The following PTPN14 variants were observed in gnomAD, a reference collection of about 807,000 sequenced individuals.
PTPN14 encodes the protein protein tyrosine phosphatase non-receptor type 14.
A neutral mutation model predicts 126.8 loss-of-function variants in PTPN14; 53 were observed. That is an observed-to-expected ratio of 0.42 (90% CI 0.34 to 0.53). The LOEUF (loss-of-function observed/expected upper bound fraction) is 0.53. Among genes scored for constraint, PTPN14 ranks in the 20% least tolerant of loss-of-function variants. PTPN14 has a pLI of 0.08. For missense variants in PTPN14, 1,257 were observed against 1,552.9 expected, an observed-to-expected ratio of 0.81 and a Z score of 3.20; for synonymous variants, 630 against 599.3, an observed-to-expected ratio of 1.05 and a Z score of -0.75.
At position 214,357,660 on chromosome 1, in the gene PTPN14, A is replaced by G; in HGVS notation, c.*262T>C. On this transcript the variant is annotated 3_prime_UTR_variant, in exon 19 of 19. Coordinates refer to ENST00000366956, the MANE Select transcript of PTPN14 (RefSeq NM_005401.5). ...TATATTACAATACAGATCAGTCAAG[A>G]TGTGGTTCAAATGAAAAGTACTATA... The G allele has an allele frequency of 6.9e-6, 2 of 290,780 alleles. No homozygotes were observed. The highest frequency in any genetic ancestry group is 1.3e-5 in the Non-Finnish European group (2 of 154,038). 18.0% of individuals were successfully genotyped at this position (290,780 alleles called of 1,614,324 possible).
chr1:214,532,265 G>C (rs186248918), intron 1 of PTPN14: 3 of 443,966 alleles, frequency 6.8e-6, no homozygotes, highest in South Asian at 2.2e-5. Flanking sequence ...CCGCCCAGCT[G>C]GTCAACAGCG....
chr1:214,524,653 T>TA (rs1029231000), intron 1 of PTPN14, among the ~76,000 whole-genome samples: 16 of 151,542 alleles, frequency 1.1e-4, no homozygotes, highest in African/African-American at 2.7e-4. Context: ...CCCTATCTCT[T>TA]AAAAAAAAGG....
chr1:214,366,209 C>T lies in PTPN14; in HGVS notation c.3272-1534G>A, dbSNP rs147647100. On this transcript the variant is annotated intron_variant, in intron 17 of 18. Coordinates refer to ENST00000366956, the MANE Select transcript of PTPN14 (RefSeq NM_005401.5). Reference sequence around the variant, plus strand: ...AAAAAAGAAAAAGAAAAGGAGATGCCGTGAGATGCATAGAGGGAGTAGTTA... The same window carrying T: ...AAAAAAGAAAAAGAAAAGGAGATGCTGTGAGATGCATAGAGGGAGTAGTTA... 7.3e-4 allele frequency among the ~76,000 whole-genome samples: 111 copies of T among 152,090 alleles called. 3 individuals are homozygous for T. Among genetic ancestry groups the T allele is most frequent in the African/African-American group, 2.6e-3 (108 of 41,478 alleles).
rs557321966 is a variant in PTPN14, at chr1:214,351,290, T to TAAAAAAAAAAAAAAAAAAAAA, written c.*6631_*6632insTTTTTTTTTTTTTTTTTTTTT. ...AGGAGTGAGACACGATCTCAAAAAC[T>TAAAAAAAAAAAAAAAAAAAAA]AAAAAAAAAAAAAAAAAGAAAAAGA... On this transcript the variant is annotated 3_prime_UTR_variant, in exon 19 of 19. Coordinates refer to ENST00000366956, the MANE Select transcript of PTPN14 (RefSeq NM_005401.5). The TAAAAAAAAAAAAAAAAAAAAA allele has an allele frequency of 1.6e-5, 1 of 61,708 alleles. No homozygotes were observed. Among genetic ancestry groups the TAAAAAAAAAAAAAAAAAAAAA allele is most frequent in the African/African-American group, 5.7e-5 (1 of 17,662 alleles). 3.8% of individuals were successfully genotyped at this position (61,708 alleles called of 1,614,324 possible).
At chr1:214,421,989 G>A (rs1023611393) in intron 3 of PTPN14, among the ~76,000 whole-genome samples, 2 of 152,140 alleles carry the variant, frequency 1.3e-5, no homozygotes, top group Admixed American at 1.3e-4. Flanking sequence ...CAACTCTGTC[G>A]TGATCAGTAC....
intron 1 of PTPN14, among the ~76,000 whole-genome samples, chr1:214,527,230 T>C (rs1375726136): frequency 2.0e-5 from 3 of 152,228 alleles, no homozygotes; most frequent in Admixed American, 2.0e-4. Context: ...TAAAGGACAT[T>C]TGTAGGTTTC....
At chr1:214,547,365 T>G (rs1655998431) in intron 1 of PTPN14, among the ~76,000 whole-genome samples, 1 of 152,236 alleles carries the variant, frequency 6.6e-6, no homozygotes, top group African/African-American at 2.4e-5. Flanking sequence ...TTTGCCATCC[T>G]GTTTCAAGAA....
chr1:214,501,861 C>G (rs1315931033), intron 1 of PTPN14, among the ~76,000 whole-genome samples: 2 of 152,014 alleles, frequency 1.3e-5, no homozygotes, highest in Non-Finnish European at 2.9e-5. Flanking sequence ...AGATCCAGAC[C>G]ATCCTGGCTA....
chr1:214,445,201 A>C (rs1572004512), intron 3 of PTPN14, among the ~76,000 whole-genome samples: 1 of 152,218 alleles, frequency 6.6e-6, no homozygotes, highest in Non-Finnish European at 1.5e-5. Context: ...AGTAGGGGAT[A>C]CCCATAGCTG....
At chr1:214,456,384 A>C (rs1450403564) in intron 2 of PTPN14, among the ~76,000 whole-genome samples, 1 of 152,234 alleles carries the variant, frequency 6.6e-6, no homozygotes, top group Non-Finnish European at 1.5e-5. Context: ...TCAAAAGATG[A>C]CTATAAGCAG....
rs74139876 is a variant in PTPN14 at position 214,455,565 on chromosome 1, A to G, written c.175-3591T>C. ...CAGCTCTGGTGCCATGAGTTCTGCAATAAGTTTACTGCAATGATGAGAAAA... is the reference window on the plus strand; with the variant it reads ...CAGCTCTGGTGCCATGAGTTCTGCAGTAAGTTTACTGCAATGATGAGAAAA... On this transcript the variant is annotated intron_variant, in intron 2 of 18. Transcript: ENST00000366956. Among the ~76,000 whole-genome samples the G allele has an allele frequency of 6.1e-3, 926 of 152,316 alleles. 12 individuals carry two copies. Among genetic ancestry groups the G allele is most frequent in the African/African-American group, 0.021 (874 of 41,580 alleles).
chr1:214,363,064 G>A (rs1414783028), intron 18 of PTPN14, among the ~76,000 whole-genome samples: 1 of 152,148 alleles, frequency 6.6e-6, no homozygotes, highest in Non-Finnish European at 1.5e-5. Context: ...GTAGTGATGG[G>A]AATAGAGAGG....
intron 17 of PTPN14, among the ~76,000 whole-genome samples, chr1:214,366,983 C>CAA (rs60761312): frequency 1.6e-5 from 2 of 125,418 alleles, no homozygotes; most frequent in African/African-American, 3.0e-5. Flanking sequence ...GACTCCATCT[C>CAA]AAAAAAAAAA....
At chr1:214,421,402 G>C (rs555317077) in intron 3 of PTPN14, among the ~76,000 whole-genome samples, 3 of 152,142 alleles carry the variant, frequency 2.0e-5, no homozygotes, top group African/African-American at 7.2e-5. Flanking sequence ...GGGAAGAAGA[G>C]GCTGAGGAAT....
intron 1 of PTPN14, among the ~76,000 whole-genome samples, chr1:214,475,978 C>A (rs1470482469): frequency 6.6e-6 from 1 of 152,148 alleles, no homozygotes; most frequent in African/African-American, 2.4e-5. Context: ...TAGCAAGCAC[C>A]CACATTCTAC....
chr1:214,403,880 C>T (rs1659098354), intron 5 of PTPN14, among the ~76,000 whole-genome samples: 1 of 152,212 alleles, frequency 6.6e-6, no homozygotes, highest in South Asian at 2.1e-4. Context: ...CCACATATTC[C>T]AGGCTAGTAA....
Position 214,383,882 on chromosome 1 carries a change from A to AGC in PTPN14, c.1971_1972dup (p.Leu658ArgfsTer48), listed in dbSNP as rs1398033833. On this transcript the variant is annotated frameshift_variant, in exon 13 of 19. Coordinates refer to ENST00000366956, the MANE Select transcript of PTPN14 (RefSeq NM_005401.5). LOFTEE classifies it high-confidence loss of function. The surrounding 1 kb of genome is among the most constrained non-coding windows in gnomAD (Gnocchi z 4.4). The stretch of plus-strand genomic sequence containing the variant: ...AGCCATGGGGAGGTGGAGCGACTTG[A>AGC]GCGTCATGGCCTCCATGCCCCGCAC... 1 of 1,612,922 alleles carries AGC rather than the reference A, an allele frequency of 6.2e-7. No individual in the cohort carries two copies. The highest frequency in any genetic ancestry group is 1.7e-5 in the Admixed American group (1 of 59,990).
At chr1:214,520,061 A>ATATATATATATAT (rs1479124640) in intron 1 of PTPN14, among the ~76,000 whole-genome samples, 1 of 80,030 alleles carries the variant, frequency 1.2e-5, no homozygotes, top group African/African-American at 6.8e-5. Flanking sequence ...AAAAAAAAAA[A>ATATATATATATAT]AAAAATATAT....
chr1:214,425,065 G>C (rs1467175584), intron 3 of PTPN14, among the ~76,000 whole-genome samples: 2 of 152,062 alleles, frequency 1.3e-5, no homozygotes, highest in Non-Finnish European at 2.9e-5. Flanking sequence ...CCAAAGCGCT[G>C]GGATTACAGC....
Sources: gnomAD v4.1 joint callset for allele counts (sites outside exome capture counted in the v4.1 genomes callset) on GRCh38, gnomAD v4.1.1 for gene constraint, Gnocchi (gnomAD v3.1) non-coding constraint, MANE v1.5 for transcripts, NCBI Gene and HGNC (gene_info 2026-07-23, HGNC 2026-07-21) for gene names.